Variants in APOLD1 observed in about 807,000 individuals in gnomAD.
APOLD1 encodes apolipoprotein L domain-containing protein 1.
In APOLD1, 22 loss-of-function variants were observed where a neutral mutation model predicts 15.3. The ratio of observed to expected loss-of-function variants is 1.44; its 90% CI spans 1.03 to 2.05. The LOEUF (loss-of-function observed/expected upper bound fraction) is 2.05. APOLD1 is among the 30% of genes most tolerant of loss of function. The pLI is 0.00. For synonymous variants in APOLD1, 190 were observed against 167.4 expected (o/e 1.13, Z -1.04); for missense variants, 394 against 353.5 (o/e 1.11, Z -0.92).
intron 1 of APOLD1, among the ~76,000 whole-genome samples, chr12:12,729,485 C>T (rs938459958): frequency 4.6e-5 from 7 of 151,974 alleles, no homozygotes; most frequent in Non-Finnish European, 8.8e-5. Flanking sequence ...GTCTTGAACG[C>T]CTGGCCTCAA....
chr12:12,749,226 G>A (rs1463758430), intron 1 of APOLD1, among the ~76,000 whole-genome samples: 1 of 151,986 alleles, frequency 6.6e-6, no homozygotes, highest in Non-Finnish European at 1.5e-5. Context: ...GATAGAGCCA[G>A]TGCTATGATC....
chr12:12,752,951 G>A (rs990290913), intron 1 of APOLD1, among the ~76,000 whole-genome samples: 1 of 152,118 alleles, frequency 6.6e-6, no homozygotes, highest in African/African-American at 2.4e-5. Context: ...AAGAAAAATG[G>A]GTAGGAGGGT....
chr12:12,787,432 G>T lies in APOLD1; in HGVS notation c.527G>T (p.Arg176Leu). 1 of 1,614,204 alleles carries T rather than the reference G, an allele frequency of 6.2e-7. No individual in the cohort carries two copies. The highest frequency in any genetic ancestry group is 8.5e-7 in the Non-Finnish European group (1 of 1,180,044). ...SVYFIVFFGS[R>L]GFLIPRRAEG... ...TACTTCATCGTCTTCTTTGGCTCAC[G>T]TGGCTTCCTCATCCCCAGGCGGGCG... The change falls in exon 2 of 2, where the codon CGT (arginine) becomes CTT (leucine). Residue 176 changes from arginine (R) to leucine (L), a missense_variant. By Grantham distance (102) the Arg-to-Leu change is moderately radical. Coordinates refer to ENST00000356591, the MANE Select transcript of APOLD1 (RefSeq NM_030817.3). The surrounding 1 kb of genome is among the most constrained non-coding windows in gnomAD (Gnocchi z 4.9).
intron 1 of APOLD1, among the ~76,000 whole-genome samples, chr12:12,740,244 G>T (rs1429594434): frequency 6.6e-6 from 1 of 152,094 alleles, no homozygotes; most frequent in South Asian, 2.1e-4. Context: ...GCCTCCCAAA[G>T]TGCTGGGATT....
chr12:12,787,892 A>C lies in APOLD1; in HGVS notation c.*240A>C, dbSNP rs1947146618. 2.1e-5 allele frequency: 11 copies of C among 520,578 alleles called. No individual in the cohort carries two copies. The highest frequency in any genetic ancestry group is 1.6e-4 in the South Asian group (5 of 31,140). The allele number at this position is 520,578 out of a possible 1,614,324, so 32.2% of individuals were successfully genotyped here. A position where few individuals can be genotyped will look rare whatever the true frequency, so the allele number is the denominator to read the frequency against. ...CCTAGTGGAAAAATGTGACCCAAAA[A>C]CTCTTTTTCCTTTATCAAAAACTTT... On this transcript the variant is annotated 3_prime_UTR_variant, in exon 2 of 2. Transcript: ENST00000356591. This position sits in a 1 kb window ranked among gnomAD's most constrained non-coding sequence, Gnocchi z 4.9.
At chr12:12,750,281 A>G (rs1946801098) in intron 1 of APOLD1, among the ~76,000 whole-genome samples, 1 of 148,868 alleles carries the variant, frequency 6.7e-6, no homozygotes. Flanking sequence ...CTGAGGCAGG[A>G]GAATCGCTTG....
chr12:12,737,308 A>C (rs116290258), intron 1 of APOLD1, among the ~76,000 whole-genome samples: 3,080 of 152,074 alleles, frequency 0.02, 121 homozygotes, highest in African/African-American at 0.068. Context: ...CACTGACTCC[A>C]CAGGAAGCTA....
intron 1 of APOLD1, among the ~76,000 whole-genome samples, chr12:12,740,889 C>A (rs1264635171): frequency 1.3e-5 from 2 of 152,162 alleles, no homozygotes; most frequent in Non-Finnish European, 2.9e-5. Context: ...GTAATCCCAG[C>A]ACTTTGGGAG....
upstream of APOLD1, among the ~76,000 whole-genome samples, chr12:12,781,421 A>C (rs988677560): frequency 5.9e-5 from 9 of 152,200 alleles, no homozygotes; most frequent in Non-Finnish European, 1.2e-4. Flanking sequence ...AGGCAACAAG[A>C]GCGAAACTCC....
intron 1 of APOLD1, among the ~76,000 whole-genome samples, chr12:12,770,571 A>G (rs1176623936): frequency 6.6e-6 from 1 of 151,456 alleles, no homozygotes; most frequent in Non-Finnish European, 1.5e-5. Context: ...AAGACTGAAA[A>G]AAAAAAAAAA....
At chr12:12,771,645 T>C in intron 1 of APOLD1, 1 of 500,338 alleles carries the variant, frequency 2.0e-6, no homozygotes. Flanking sequence ...ATTGTCAGAG[T>C]TCATTGAAAC....
chr12:12,739,289 G>T (rs917959853), intron 1 of APOLD1, among the ~76,000 whole-genome samples: 1 of 152,216 alleles, frequency 6.6e-6, no homozygotes, highest in Non-Finnish European at 1.5e-5. Flanking sequence ...TTCTGCTATC[G>T]TCAAGTGGCC....
rs1255916866 is a variant in APOLD1, at chr12:12,787,456, C to T, written c.551C>T (p.Ala184Val). ...GSRGFLIPRR[A>V]EGDTKVSQAV... is the part of the protein sequence containing the mutation. ...CGTGGCTTCCTCATCCCCAGGCGGG[C>T]GGAGGGGGACACCAAGGTTAGCCAG... The change falls in exon 2 of 2, where the codon GCG (alanine) becomes GTG (valine). Residue 184 changes from alanine to valine, a missense_variant. Transcript: ENST00000356591. The surrounding 1 kb of genome is among the most constrained non-coding windows in gnomAD (Gnocchi z 4.9). 5 of 1,614,154 alleles carry T rather than the reference C, an allele frequency of 3.1e-6. No homozygotes were observed. The highest frequency in any genetic ancestry group is 2.2e-5 in the East Asian group (1 of 44,890).
intron 1 of APOLD1, among the ~76,000 whole-genome samples, chr12:12,774,546 CAAAAAAAAAAA>C (rs57343706): frequency 1.9e-4 from 8 of 42,292 alleles, no homozygotes; most frequent in Admixed American, 4.3e-4. Flanking sequence ...ACTCTAACTC[CAAAAAAAAAAA>C]AAAAAAAAAA....
chr12:12,762,103 T>C (rs966723277), intron 1 of APOLD1, among the ~76,000 whole-genome samples: 1 of 151,890 alleles, frequency 6.6e-6, no homozygotes, highest in Non-Finnish European at 1.5e-5. Flanking sequence ...AGAGGTTAGG[T>C]GCCAAGCAAA....
chr12:12,736,621 T>C lies in APOLD1; in HGVS notation c.96+10525T>C, dbSNP rs200236219. 5.9e-5 allele frequency among the ~76,000 whole-genome samples: 9 copies of C among 152,338 alleles called. No homozygotes were observed. In the East Asian group the frequency reaches 1.3e-3, roughly 23 times the overall value. ...TCACTTTATCTAATATTAATTGAAA[T>C]CCTTAGTCTTATGTTGGGGTTATCC... On this transcript the variant is annotated intron_variant, in intron 1 of 1. Transcript: ENST00000326765.
At position 12,733,079 on chromosome 12, in the gene APOLD1, C is replaced by A. The variant is rs180871206; in HGVS notation, c.96+6983C>A. Among the ~76,000 whole-genome samples, 51 of 150,974 alleles carry A rather than the reference C, an allele frequency of 3.4e-4. No individual in the cohort carries two copies. In the East Asian group the frequency reaches 7.0e-3, roughly 21 times the overall value. On this transcript the variant is annotated intron_variant, in intron 1 of 1. Coordinates refer to the APOLD1 transcript ENST00000326765. ...CTGTAATCCCAGCACTTTGGGAGAC[C>A]GAGAGAGGCAGATGGATAAAGCCCA...
At chr12:12,726,122 G>GAA in intron 1 of APOLD1, 1 of 1,154,516 alleles carries the variant, frequency 8.7e-7, no homozygotes, top group Non-Finnish European at 1.2e-6. Flanking sequence ...GCGGGAGGGT[G>GAA]GAGGTGGCCC....
intron 1 of APOLD1, among the ~76,000 whole-genome samples, chr12:12,751,023 A>C (rs972945512): frequency 6.6e-6 from 1 of 151,742 alleles, no homozygotes; most frequent in Admixed American, 6.6e-5. Flanking sequence ...TCCTGGGCTC[A>C]AGCAATCCAC....
Sources: gnomAD v4.1 joint callset for allele counts (sites outside exome capture counted in the v4.1 genomes callset) on GRCh38, gnomAD v4.1.1 for gene constraint, Gnocchi (gnomAD v3.1) non-coding constraint, MANE v1.5 for transcripts, NCBI Gene and HGNC (gene_info 2026-07-23, HGNC 2026-07-21) for gene names.